Variants in P2RX5 observed in about 807,000 individuals in gnomAD.
P2RX5 encodes the protein purinergic receptor P2X 5, also known as P2X purinoceptor 5.
Under a neutral mutation model 54.1 loss-of-function variants are expected in P2RX5, and 46 were observed. That is an observed-to-expected ratio of 0.85 (90% CI 0.67 to 1.09). P2RX5 has a LOEUF of 1.09. Among genes scored for constraint, P2RX5 ranks in the 50% least tolerant of loss-of-function variants. The probability of loss-of-function intolerance (pLI) is 0.00; values close to 1 mark genes in which losing one functional copy is unlikely to be tolerated. For synonymous variants in P2RX5, 226 were observed against 226.4 expected, an observed-to-expected ratio of 1.00 and a Z score of 0.02; for missense variants, 566 against 549.8, an observed-to-expected ratio of 1.03 and a Z score of -0.29.
Position 3,690,506 on chromosome 17 carries a change from A to G in P2RX5, c.454T>C (p.Cys152Arg). ...TAGNGVKTGR[C>R]LRRENLARGT... is the part of the protein sequence containing the mutation. ...CTGGCCAAGTTCTCTCTCCGCAGGC[A>G]GCGGCCGGTCTTCACTCCTGCAGGG... Residue 152 changes from cysteine (C) to arginine (R), a missense_variant, in exon 5 of 12, where the codon TGC (cysteine) becomes CGC (arginine). Transcript: ENST00000225328. The G allele has an allele frequency of 1.2e-6, 2 of 1,613,614 alleles. No individual in the cohort carries two copies. Among genetic ancestry groups the G allele is most frequent in the Non-Finnish European group, 1.7e-6 (2 of 1,179,960 alleles).
At chr17:3,674,477 C>T (rs1043133386) in intron 11 of P2RX5, among the ~76,000 whole-genome samples, 4 of 152,136 alleles carry the variant, frequency 2.6e-5, no homozygotes, top group African/African-American at 4.8e-5. Context: ...AGCTGTCAGG[C>T]GATCCCTGGC....
upstream of P2RX5, among the ~76,000 whole-genome samples, chr17:3,700,447 C>T (rs1030523743): frequency 8.6e-5 from 13 of 151,750 alleles, no homozygotes; most frequent in Non-Finnish European, 1.9e-4. Context: ...GCAGGAGAAT[C>T]GCTTGAACTC....
chr17:3,693,830 CTTT>C, intron 1 of P2RX5, among the ~76,000 whole-genome samples: 1 of 146,988 alleles, frequency 6.8e-6, no homozygotes, highest in African/African-American at 2.5e-5. Context: ...CATTCTTCTT[CTTT>C]TTTTTTTTTT....
intron 1 of P2RX5, 146 bp from the exon 2 acceptor site, chr17:3,691,940 G>C: frequency 1.2e-6 from 1 of 802,594 alleles, no homozygotes. Flanking sequence ...CCAGCTCCTG[G>C]GCAGGGGCCA....
chr17:3,675,354 G>A (rs2050079175), intron 11 of P2RX5: 2 of 984,692 alleles, frequency 2.0e-6, no homozygotes, highest in Middle Eastern at 5.2e-4. Context: ...AGACATTTTT[G>A]TTGCAATATG....
At position 3,681,952 on chromosome 17, in the gene P2RX5, G is replaced by A. The variant is rs1452085327; in HGVS notation, c.1008C>T (p.Leu336=). Residue 336 remains leucine (L), a synonymous_variant, in exon 10 of 12, where the codon CTC becomes CTT. Coordinates refer to ENST00000225328, the MANE Select transcript of P2RX5 (RefSeq NM_002561.4). ...ACTCTCTCTTTTTGATGAGGTAGATGAGTACCAGGTCGCAGAAGAAAGCAC... is the reference window on the plus strand; with the variant it reads ...ACTCTCTCTTTTTGATGAGGTAGATAAGTACCAGGTCGCAGAAGAAAGCAC... The part of the protein sequence containing the change: ...GKGAFFCDLV[L]IYLIKKREFY... 2 of 1,613,512 alleles carry A rather than the reference G, an allele frequency of 1.2e-6. No homozygotes were observed. The highest frequency in any genetic ancestry group is 1.7e-6 in the Non-Finnish European group (2 of 1,179,532).
Position 3,673,666 on chromosome 17 carries a change from A to T in P2RX5, c.*202T>A. On this transcript the variant is annotated 3_prime_UTR_variant, in exon 12 of 12. Coordinates refer to ENST00000225328, the MANE Select transcript of P2RX5 (RefSeq NM_002561.4). ...CAGGGGGTGGGGCAAAAAGACAGCCATGATGGGTCCGTCCTGATGACCCCA... is the reference window on the plus strand; with the variant it reads ...CAGGGGGTGGGGCAAAAAGACAGCCTTGATGGGTCCGTCCTGATGACCCCA... The T allele has an allele frequency of 6.8e-7, 1 of 1,471,750 alleles. No individual in the cohort carries two copies. Among genetic ancestry groups the T allele is most frequent in the South Asian group, 1.4e-5 (1 of 71,974 alleles). 91.2% of individuals were successfully genotyped at this position (1,471,750 alleles called of 1,614,324 possible).
rs371073256 is a variant in P2RX5 at position 3,688,049 on chromosome 17, G to A, written c.944C>T (p.Ala315Val). Reference protein sequence around the residue: ...AGVEFRTLMKAYGIRFDVMVN... With the variant: ...AGVEFRTLMKVYGIRFDVMVN... ...CATCACGTCAAAGCGGATCCCGTAG[G>A]CTTTCATCAGGGTGCGGAACTCCAC... Residue 315 changes from alanine to valine, a missense_variant, in exon 9 of 12, where the codon GCC (alanine) becomes GTC (valine). Ala to Val is a moderately conservative substitution (Grantham distance 64). Transcript: ENST00000225328. The A allele has an allele frequency of 6.2e-7, 1 of 1,604,770 alleles. No individual in the cohort carries two copies. The highest frequency in any genetic ancestry group is 1.4e-5 in the African/African-American group (1 of 73,586).
the P2RX5 span, among the ~76,000 whole-genome samples, chr17:3,708,970 G>C: frequency 1.1e-4 from 16 of 149,616 alleles, no homozygotes; most frequent in African/African-American, 3.7e-4. Context: ...TCTTTTTTTT[G>C]AGACAGAGTC....
the P2RX5 span, among the ~76,000 whole-genome samples, chr17:3,722,704 G>A: frequency 6.6e-6 from 1 of 152,082 alleles, no homozygotes; most frequent in Non-Finnish European, 1.5e-5. Flanking sequence ...TGAAGTTGAA[G>A]AATTAAGCAG....
chr17:3,702,812 G>A, the P2RX5 span, among the ~76,000 whole-genome samples: 2 of 152,160 alleles, frequency 1.3e-5, no homozygotes, highest in Non-Finnish European at 2.9e-5. Context: ...GACTATATGC[G>A]TGAGCCACTG....
chr17:3,684,834 CCTTT>C (rs1287489544), intron 9 of P2RX5, among the ~76,000 whole-genome samples: 1 of 122,882 alleles, frequency 8.1e-6, no homozygotes, highest in East Asian at 2.6e-4. Context: ...AATCCTGCCC[CCTTT>C]TTTTTTTTTT....
chr17:3,691,946 G>A (rs1597271626), intron 1 of P2RX5, 152 bp from the exon 2 acceptor site: 1 of 766,210 alleles, frequency 1.3e-6, no homozygotes, highest in East Asian at 2.5e-5. Flanking sequence ...CCTGGGCAGG[G>A]GCCACAGCTC....
the P2RX5 span, among the ~76,000 whole-genome samples, chr17:3,712,771 C>T: frequency 2.6e-5 from 4 of 152,102 alleles, no homozygotes; most frequent in South Asian, 2.1e-4. Context: ...GGTGAAACCC[C>T]ATCTCTACTA....
chr17:3,716,036 A>G, the P2RX5 span, among the ~76,000 whole-genome samples: 1 of 152,040 alleles, frequency 6.6e-6, no homozygotes, highest in African/African-American at 2.4e-5. Context: ...ACATTCCTGT[A>G]ATCCCAGCTA....
At chr17:3,718,309 CCAA>C in the P2RX5 span, 4 of 152,252 alleles carry the variant, frequency 2.6e-5, no homozygotes, top group Admixed American at 6.5e-5. Context: ...GAAGAAAAAT[CCAA>C]CATCCTTTTG....
the P2RX5 span, chr17:3,715,004 C>T: frequency 0.46 from 447,068 of 971,732 alleles, 110,105 homozygotes; most frequent in South Asian, 0.59. Flanking sequence ...TTCAGAAAAC[C>T]GGCATTCTGG....
the P2RX5 span, among the ~76,000 whole-genome samples, chr17:3,709,983 C>T: frequency 6.6e-6 from 1 of 152,152 alleles, no homozygotes; most frequent in Non-Finnish European, 1.5e-5. Flanking sequence ...ATTCCATATA[C>T]TGAATCTGTT....
chr17:3,673,626 AG>A lies in P2RX5; in HGVS notation c.*241del. The stretch of plus-strand genomic sequence containing the variant: ...AGTGCGGGAAGCCAGCCACGGAGAA[AG>A]GAAGAACTGACGGCAGGGGGTGGGG... On this transcript the variant is annotated 3_prime_UTR_variant, in exon 12 of 12. Coordinates refer to ENST00000225328, the MANE Select transcript of P2RX5 (RefSeq NM_002561.4). 7.0e-7 allele frequency: 1 copy of A among 1,426,406 alleles called. No homozygotes were observed. The highest frequency in any genetic ancestry group is 2.5e-5 in the East Asian group (1 of 39,240). The allele number at this position is 1,426,406 out of a possible 1,614,324, so 88.4% of individuals were successfully genotyped here. A position where few individuals can be genotyped will look rare whatever the true frequency, so the allele number is the denominator to read the frequency against.
Sources: gnomAD v4.1 joint callset for allele counts (sites outside exome capture counted in the v4.1 genomes callset) on GRCh38, gnomAD v4.1.1 for gene constraint, MANE v1.5 for transcripts, NCBI Gene and HGNC (gene_info 2026-07-23, HGNC 2026-07-21) for gene names.